The following TSPAN14 variants were observed in gnomAD, a reference collection of about 807,000 sequenced individuals.
TSPAN14 encodes the protein tetraspanin 14, also known as tetraspanin-14.
In TSPAN14, 16 loss-of-function variants were observed where a neutral mutation model predicts 36.6. That is an observed-to-expected ratio of 0.44 (90% CI 0.30 to 0.66). The LOEUF (loss-of-function observed/expected upper bound fraction) is 0.66, where lower values mean the gene tolerates loss of function less well. Ranked by LOEUF, TSPAN14 falls within the 30% of genes least tolerant of loss-of-function variation. The pLI is 0.12. For missense variants in TSPAN14, 231 were observed against 355.1 expected, an observed-to-expected ratio of 0.65 and a Z score of 2.81; for synonymous variants, 139 against 143.8, an observed-to-expected ratio of 0.97 and a Z score of 0.24.
At chr10:80,516,281 T>C in exon 8 of TSPAN14, 1 of 1,614,202 alleles carries the variant, frequency 6.2e-7, no homozygotes, top group Non-Finnish European at 8.5e-7. Flanking sequence ...CGCGGAACAT[T>C]TACATTGTGG....
chr10:80,478,498 G>C (rs1564720118), intron 1 of TSPAN14, among the ~76,000 whole-genome samples: 1 of 152,216 alleles, frequency 6.6e-6, no homozygotes, highest in Non-Finnish European at 1.5e-5. Context: ...GGAGGGGCCT[G>C]TGGAATATTG....
intron 1 of TSPAN14, among the ~76,000 whole-genome samples, chr10:80,464,039 T>C (rs974075714): frequency 6.6e-6 from 1 of 152,164 alleles, no homozygotes; most frequent in African/African-American, 2.4e-5. Flanking sequence ...CAGAGCGAGT[T>C]GGGGTGTAGG....
chr10:80,498,265 C>G (rs73305183), intron 2 of TSPAN14, among the ~76,000 whole-genome samples: 1,897 of 152,228 alleles, frequency 0.012, 40 homozygotes, highest in African/African-American at 0.044. Context: ...CTGGGGTTTC[C>G]GTCTGGTGTA....
At chr10:80,504,924 C>A (rs1035094829) in intron 3 of TSPAN14, 146 bp downstream of exon 3, 98 of 916,160 alleles carry the variant, frequency 1.1e-4, no homozygotes, top group Non-Finnish European at 1.6e-4. Context: ...TTTACAGACA[C>A]AGCTCTTGCG....
At chr10:80,496,585 T>C (rs1848209203) in intron 2 of TSPAN14, among the ~76,000 whole-genome samples, 1 of 152,196 alleles carries the variant, frequency 6.6e-6, no homozygotes, top group Non-Finnish European at 1.5e-5. Flanking sequence ...ACACCCTTTT[T>C]CTCCCCTTCC....
intron 1 of TSPAN14, among the ~76,000 whole-genome samples, 182 bp downstream of exon 1, chr10:80,454,553 G>T (rs932831201): frequency 2.0e-5 from 3 of 151,892 alleles, no homozygotes; most frequent in Non-Finnish European, 2.9e-5. Flanking sequence ...TTGTCTGCCA[G>T]GATTGCTCGC....
At chr10:80,479,589 G>T (rs1228135465) in intron 1 of TSPAN14, among the ~76,000 whole-genome samples, 1 of 152,132 alleles carries the variant, frequency 6.6e-6, no homozygotes, top group Non-Finnish European at 1.5e-5. Flanking sequence ...GTTTGTCAAA[G>T]ATCAGATAGT....
At chr10:80,502,564 A>T (rs1848580291) in intron 2 of TSPAN14, among the ~76,000 whole-genome samples, 2 of 151,842 alleles carry the variant, frequency 1.3e-5, no homozygotes, top group Non-Finnish European at 2.9e-5. Context: ...AAGAGAAAGA[A>T]GGCACCAAGC....
intron 1 of TSPAN14, among the ~76,000 whole-genome samples, chr10:80,484,558 T>C (rs913645196): frequency 6.6e-6 from 1 of 152,244 alleles, no homozygotes; most frequent in Admixed American, 6.5e-5. Context: ...ACGTTATTCT[T>C]CCCTTTGTTA....
chr10:80,486,120 G>C (rs1847582754), intron 1 of TSPAN14, among the ~76,000 whole-genome samples: 1 of 152,246 alleles, frequency 6.6e-6, no homozygotes, highest in African/African-American at 2.4e-5. Context: ...GAGAGTCTCT[G>C]ACGGGTGTAG....
At chr10:80,512,113 C>T (rs1840689016) in intron 5 of TSPAN14, 31 bp from the exon 6 acceptor site, 3 of 1,613,746 alleles carry the variant, frequency 1.9e-6, no homozygotes, top group South Asian at 1.1e-5. Flanking sequence ...TGTCTTGGAG[C>T]CCCTAACAGT....
chr10:80,511,111 G>C (rs1433771611), intron 5 of TSPAN14, among the ~76,000 whole-genome samples: 1 of 152,172 alleles, frequency 6.6e-6, no homozygotes, highest in African/African-American at 2.4e-5. Context: ...AGCTGTAAGG[G>C]CAAATGCAAA....
intron 1 of TSPAN14, among the ~76,000 whole-genome samples, chr10:80,462,346 G>A (rs974672141): frequency 8.3e-5 from 9 of 107,880 alleles, no homozygotes; most frequent in African/African-American, 3.0e-4. Flanking sequence ...TAGGGCGTAG[G>A]AATGGGGTGG....
intron 5 of TSPAN14, among the ~76,000 whole-genome samples, chr10:80,510,649 T>A (rs1004400107): frequency 6.6e-5 from 10 of 152,020 alleles, no homozygotes; most frequent in Non-Finnish European, 1.3e-4. Flanking sequence ...CTGAGGCGGG[T>A]GGATCACAAG....
intron 2 of TSPAN14, among the ~76,000 whole-genome samples, chr10:80,496,112 C>T (rs187701630): frequency 1.3e-5 from 2 of 152,236 alleles, no homozygotes; most frequent in East Asian, 1.9e-4. Flanking sequence ...CGTAACAGAA[C>T]ATTTGTTATT....
intron 1 of TSPAN14, among the ~76,000 whole-genome samples, chr10:80,471,118 G>A (rs1250749653): frequency 1.3e-5 from 2 of 151,864 alleles, no homozygotes; most frequent in African/African-American, 2.4e-5. Flanking sequence ...ACTGCACTTA[G>A]TGAAGGGAGT....
intron 1 of TSPAN14, chr10:80,459,630 C>T (rs1413864819): frequency 6.5e-6 from 1 of 152,916 alleles, no homozygotes; most frequent in Non-Finnish European, 1.5e-5. Flanking sequence ...TGAACCTTCT[C>T]TGGGTTTTTC....
intron 1 of TSPAN14, among the ~76,000 whole-genome samples, chr10:80,461,895 T>C (rs1589232673): frequency 6.7e-6 from 1 of 150,186 alleles, no homozygotes; most frequent in African/African-American, 2.5e-5. Flanking sequence ...GTTCTCACTG[T>C]TGTGAGATCT....
intron 2 of TSPAN14, among the ~76,000 whole-genome samples, chr10:80,490,543 G>A (rs531920419): frequency 9.2e-5 from 14 of 152,314 alleles, no homozygotes; most frequent in Admixed American, 8.5e-4. Context: ...GGTGAAGAAG[G>A]ATGAGGACAG....
Sources: allele counts gnomAD v4.1 joint callset (sites outside exome capture counted in the v4.1 genomes callset), GRCh38; gene constraint gnomAD v4.1.1; transcripts MANE v1.5; gene names NCBI Gene and HGNC (gene_info 2026-07-23, HGNC 2026-07-21).